The following SPOCD1 variants were observed in gnomAD, a reference collection of about 807,000 sequenced individuals.
SPOCD1 encodes the protein SPOC domain containing 1.
SPOCD1 carries 64 observed loss-of-function variants against 92.2 expected under a neutral mutation model. The ratio of observed to expected loss-of-function variants is 0.69; its 90% CI spans 0.57 to 0.86. SPOCD1 has a LOEUF of 0.86. SPOCD1 is among the 40% of genes least tolerant of loss of function. The pLI, the probability that SPOCD1 is intolerant of heterozygous loss-of-function variation, is 0.00. For missense variants in SPOCD1, 1,360 were observed against 1,543.1 expected, an observed-to-expected ratio of 0.88 and a Z score of 1.99; for synonymous variants, 578 against 619.3, an observed-to-expected ratio of 0.93 and a Z score of 0.99.
chr1:31,809,767 G>A (rs905515606), intron 2 of SPOCD1, among the ~76,000 whole-genome samples: 1 of 152,126 alleles, frequency 6.6e-6, no homozygotes, highest in Admixed American at 6.5e-5. Context: ...TTAGAACAGT[G>A]CCTGGAACAG....
chr1:31,808,566 A>G (rs769399177), intron 2 of SPOCD1, among the ~76,000 whole-genome samples: 23 of 151,772 alleles, frequency 1.5e-4, no homozygotes, highest in Non-Finnish European at 2.9e-4. Context: ...GGGCATCTAT[A>G]TAAATAACAT....
rs1156428572 is a variant in SPOCD1, at chr1:31,792,345, G to A, written c.2832C>T (p.Arg944=). 3 of 1,614,044 alleles carry A rather than the reference G, an allele frequency of 1.9e-6. No individual in the cohort carries two copies. Among genetic ancestry groups the A allele is most frequent in the Non-Finnish European group, 1.7e-6 (2 of 1,180,028 alleles). The change falls in exon 15 of 16, where the codon CGC becomes CGT. Residue 944 remains arginine, a synonymous_variant. Transcript: ENST00000360482. Reference sequence around the variant, plus strand: ...TATCATTGAGGTATGAGTAGAGCAGGCGGCAGTTCTGGGTGTCCCGGGCCC... The same window carrying A: ...TATCATTGAGGTATGAGTAGAGCAGACGGCAGTTCTGGGTGTCCCGGGCCC... ...PHGARDTQNC[R]LLYSYLNDRQ... is the part of the protein sequence containing the mutation.
At chr1:31,797,938 C>G (rs1304770595) in intron 9 of SPOCD1, among the ~76,000 whole-genome samples, 1 of 152,186 alleles carries the variant, frequency 6.6e-6, no homozygotes, top group Non-Finnish European at 1.5e-5. Flanking sequence ...CCAAGCCCCC[C>G]ACCCCACAGT....
At chr1:31,800,284 A>G in intron 4 of SPOCD1, 143 bp from the exon 5 acceptor site, 1 of 1,459,524 alleles carries the variant, frequency 6.9e-7, no homozygotes. Context: ...CATGGAGCCC[A>G]GGCCAGCCAT....
intron 2 of SPOCD1, among the ~76,000 whole-genome samples, chr1:31,802,514 A>G (rs1648535085): frequency 6.6e-6 from 1 of 152,192 alleles, no homozygotes; most frequent in Non-Finnish European, 1.5e-5. Context: ...GGAGACATGG[A>G]AAGATTCATG....
chr1:31,796,266 G>A, intron 10 of SPOCD1: 1 of 427,002 alleles, frequency 2.3e-6, no homozygotes, highest in Non-Finnish European at 4.4e-6. Context: ...AGCGCAGCCT[G>A]CTGCTTCCCA....
chr1:31,794,007 AC>A, intron 11 of SPOCD1, 110 bp from the exon 12 acceptor site: 1 of 1,507,972 alleles, frequency 6.6e-7, no homozygotes, highest in Admixed American at 1.8e-5. Context: ...GACCTGGGGC[AC>A]GGGCACCCCT....
In SPOCD1 at chr1:31,814,289, T is replaced by A; in HGVS notation, c.1045A>T (p.Thr349Ser). The part of the protein sequence containing the change: ...EQQEAVCVVR[T>S]GSDEGQAPAQ... ...GGAGCCTGGCCTTCATCGCTGCCAGTCCGCACGACACACACAGCTTCTTGC... is the reference window on the plus strand; with the variant it reads ...GGAGCCTGGCCTTCATCGCTGCCAGACCGCACGACACACACAGCTTCTTGC... The change falls in exon 2 of 16, where the codon ACT becomes TCT. Residue 349 changes from threonine to serine, a missense_variant. Physicochemically the swap from Thr to Ser is moderately conservative, Grantham distance 58 (BLOSUM62 1). This residue lies in a region of SPOCD1 where 606 missense variants were observed against 601.5 expected (regional missense o/e 1.01). Coordinates refer to ENST00000360482, the MANE Select transcript of SPOCD1 (RefSeq NM_144569.7). The surrounding 1 kb of genome is among the most constrained non-coding windows in gnomAD (Gnocchi z 4.2). The A allele has an allele frequency of 6.3e-6, 10 of 1,579,330 alleles. No individual in the cohort carries two copies. Among genetic ancestry groups the A allele is most frequent in the Middle Eastern group, 1.7e-4 (1 of 5,942 alleles).
intron 13 of SPOCD1, 81 bp downstream of exon 13, chr1:31,793,197 T>C: frequency 6.9e-7 from 1 of 1,458,806 alleles, no homozygotes; most frequent in Non-Finnish European, 9.2e-7. Flanking sequence ...TTAGAATGCA[T>C]GAGTGAAAGA....
intron 6 of SPOCD1, 24 bp downstream of exon 6, chr1:31,799,785 G>C (rs368517574): frequency 6.2e-7 from 1 of 1,613,122 alleles, no homozygotes; most frequent in Non-Finnish European, 8.5e-7. Context: ...GGAAGCAGAA[G>C]AGGCTCCCTC....
Position 31,813,908 on chromosome 1 carries a change from A to G in SPOCD1, c.1383+43T>C, listed in dbSNP as rs1045774358. ...ACTGCCAAGTATGGTATTGAGAAAC[A>G]TGGCCAGGCCCTTCCTATCCCAAAC... On this transcript the variant is annotated intron_variant, in intron 2 of 15. Transcript: ENST00000360482. The G allele has an allele frequency of 2.8e-6, 4 of 1,438,826 alleles. No homozygotes were observed. The African/African-American group carries it at 4.3e-5, about 15-fold the overall frequency. The allele number at this position is 1,438,826 out of a possible 1,614,324, so 89.1% of individuals were successfully genotyped here. A position where few individuals can be genotyped will look rare whatever the true frequency, so the allele number is the denominator to read the frequency against.
rs190724853 is a variant in SPOCD1 at position 31,790,702 on chromosome 1, G to A, written c.3552C>T (p.Ser1184=). 611 of 1,551,886 alleles carry A rather than the reference G, an allele frequency of 3.9e-4. 5 individuals carry two copies. In the East Asian group the frequency reaches 0.011, roughly 29 times the overall value. Residue 1184 remains serine, a synonymous_variant, in exon 16 of 16, where the codon AGC becomes AGT. Transcript: ENST00000360482. ...SIPRPLQRLS[S]ALAAPEPPGP... The stretch of plus-strand genomic sequence containing the variant: ...CAGGGGGCTCTGGAGCTGCAAGGGC[G>A]CTAGACAAACGCTGCAGAGGGCGGG...
At position 31,796,679 on chromosome 1, in the gene SPOCD1, A is replaced by T. The variant is rs1471841441; in HGVS notation, c.2182T>A (p.Cys728Ser). The change falls in exon 10 of 16, where the codon TGC becomes AGC. Residue 728 changes from cysteine to serine, a missense_variant. Cys to Ser is a moderately radical substitution (Grantham distance 112). Around this residue, in one of 3 missense-constraint regions of SPOCD1, gnomAD observed 614 missense variants for 757.8 expected, o/e 0.81. Transcript: ENST00000360482. ...NIIEQQQKEP[C>S]RLPASKMTHK... is the part of the protein sequence containing the mutation. ...GTCATTTTGGAGGCTGGAAGTCTGC[A>T]CGGCTCCTTCTGTTGCTGCTCAATG... 6.2e-7 allele frequency: 1 copy of T among 1,614,224 alleles called. No homozygotes were observed. Among genetic ancestry groups the T allele is most frequent in the Non-Finnish European group, 8.5e-7 (1 of 1,180,026 alleles).
In SPOCD1 at chr1:31,808,682, A is replaced by T. The variant is rs1335855778; in HGVS notation, c.1383+5269T>A. 3.9e-5 allele frequency among the ~76,000 whole-genome samples: 6 copies of T among 152,206 alleles called. No homozygotes were observed. The East Asian group carries it at 1.2e-3, about 29-fold the overall frequency. On this transcript the variant is annotated intron_variant, in intron 2 of 15. Coordinates refer to ENST00000360482, the MANE Select transcript of SPOCD1 (RefSeq NM_144569.7). ...CATTTCTATGCAACACTATACTAAC[A>T]GTCTTAGCTAGTACAGTAAGGAAAG...
Position 31,792,365 on chromosome 1 carries a change from G to A in SPOCD1, c.2812C>T (p.Arg938Trp), listed in dbSNP as rs181597046. The A allele has an allele frequency of 6.4e-5, 104 of 1,613,882 alleles. No homozygotes were observed. Among genetic ancestry groups the A allele is most frequent in the Admixed American group, 2.2e-4 (13 of 60,020 alleles). Residue 938 changes from arginine (R) to tryptophan (W), a missense_variant, in exon 15 of 16, where the codon CGG (arginine) becomes TGG (tryptophan). Physicochemically the swap from Arg to Trp is moderately radical, Grantham distance 101. Coordinates refer to ENST00000360482, the MANE Select transcript of SPOCD1 (RefSeq NM_144569.7). ...CVVRLCPHGA[R>W]DTQNCRLLYS... ...AGCAGGCGGCAGTTCTGGGTGTCCC[G>A]GGCCCCATGTGGGCACAGTCTGACC...
chr1:31,795,004 T>C (rs1453940339), intron 10 of SPOCD1: 1 of 152,222 alleles, frequency 6.6e-6, no homozygotes, highest in Admixed American at 6.5e-5. Context: ...TTGCTATACA[T>C]TTGGGTCATT....
Position 31,800,608 on chromosome 1 carries a change from C to T in SPOCD1, c.1435G>A (p.Gly479Arg), listed in dbSNP as rs760961331. 5.4e-5 allele frequency: 87 copies of T among 1,604,096 alleles called. No individual in the cohort carries two copies. Among genetic ancestry groups the T allele is most frequent in the African/African-American group, 9.4e-5 (7 of 74,772 alleles). The change falls in exon 4 of 16, where the codon GGG (glycine) becomes AGG (arginine). Residue 479 changes from glycine (G) to arginine (R), a missense_variant. This residue lies in a region of SPOCD1 where 606 missense variants were observed against 601.5 expected (regional missense o/e 1.01). Transcript: ENST00000360482. The part of the protein sequence containing the change: ...GVKLVCYLGS[G>R]PVIQLLGAIS... ...GCCCCCAGGAGCTGGATCACTGGCC[C>T]GGAACCCAGCTGCGGGGGAGATCGC...
chr1:31,792,377 G>A lies in SPOCD1; in HGVS notation c.2800C>T (p.Pro934Ser), dbSNP rs763115761. ...TTCTGGGTGTCCCGGGCCCCATGTG[G>A]GCACAGTCTGACCACGCAGACGTCC... ...AKDVCVVRLC[P>S]HGARDTQNCR... Residue 934 changes from proline to serine, a missense_variant, in exon 15 of 16, where the codon CCA becomes TCA. Around this residue, in one of 3 missense-constraint regions of SPOCD1, gnomAD observed 614 missense variants for 757.8 expected, o/e 0.81. Coordinates refer to ENST00000360482, the MANE Select transcript of SPOCD1 (RefSeq NM_144569.7). 1.9e-6 allele frequency: 3 copies of A among 1,613,790 alleles called. No homozygotes were observed. In the South Asian group the frequency reaches 3.3e-5, roughly 18 times the overall value.
rs745480252 is a variant in SPOCD1 at position 31,792,439 on chromosome 1, A to G, written c.2776-38T>C. ...GAGGAGAGCAGCTGTAAGCGCAGTCATCCTCTGCTCCTGCCAACACCCCTG... is the reference window on the plus strand; with the variant it reads ...GAGGAGAGCAGCTGTAAGCGCAGTCGTCCTCTGCTCCTGCCAACACCCCTG... On this transcript the variant is annotated intron_variant, in intron 14 of 15. Coordinates refer to ENST00000360482, the MANE Select transcript of SPOCD1 (RefSeq NM_144569.7). 3.1e-6 allele frequency: 5 copies of G among 1,598,092 alleles called. No individual in the cohort carries two copies. In the Admixed American group the frequency reaches 8.6e-5, roughly 27 times the overall value.
Sources: allele counts gnomAD v4.1 joint callset (sites outside exome capture counted in the v4.1 genomes callset), GRCh38; gene constraint gnomAD v4.1.1; regional missense constraint gnomAD v4.1.1; non-coding constraint Gnocchi (gnomAD v3.1); transcripts MANE v1.5; gene names NCBI Gene and HGNC (gene_info 2026-07-23, HGNC 2026-07-21).